SNX9: variants seen among roughly 807,000 people sequenced by gnomAD.
SNX9 encodes the protein sorting nexin-9.
A neutral mutation model predicts 89.4 loss-of-function variants in SNX9; 44 were observed. The ratio of observed to expected loss-of-function variants is 0.49; its 90% CI spans 0.39 to 0.63. SNX9 has a LOEUF of 0.63. Ranked by LOEUF, SNX9 falls within the 30% of genes least tolerant of loss-of-function variation. The pLI, the probability that SNX9 is intolerant of heterozygous loss-of-function variation, is 0.00. For missense variants in SNX9, 578 were observed against 736.1 expected (o/e 0.79, Z 2.49); for synonymous variants, 236 against 247.8 (o/e 0.95, Z 0.45).
At chr6:157,829,108 G>A (rs540337198) in intron 1 of SNX9, 13 of 152,122 alleles carry the variant, frequency 8.5e-5, no homozygotes, top group Admixed American at 7.2e-4. Flanking sequence ...AGTGTATACA[G>A]GTACAACACA....
At chr6:157,826,256 T>G (rs1197268790) in intron 1 of SNX9, among the ~76,000 whole-genome samples, 1 of 152,068 alleles carries the variant, frequency 6.6e-6, no homozygotes, top group Non-Finnish European at 1.5e-5. Context: ...CCTAGCACTT[T>G]GGGAGGCCGA....
At chr6:157,938,835 A>G in intron 16 of SNX9, 88 bp downstream of exon 16, 1 of 924,766 alleles carries the variant, frequency 1.1e-6, no homozygotes, top group Non-Finnish European at 1.7e-6. Flanking sequence ...TCCAGATGTG[A>G]GCAGCAGTTA....
chr6:157,940,984 C>T lies in SNX9; in HGVS notation c.1740+10C>T. 6.2e-7 allele frequency: 1 copy of T among 1,611,950 alleles called. No individual in the cohort carries two copies. Among genetic ancestry groups the T allele is most frequent in the South Asian group, 1.1e-5 (1 of 91,024 alleles). ...GCAATTTTACGAAACGGTGAGTGGG[C>T]GTCCACGTGCCTTTCGCATGTGCTT... is the stretch of plus-strand genomic sequence containing the variant. On this transcript the variant is annotated intron_variant, in intron 17 of 17. Coordinates refer to ENST00000392185, the MANE Select transcript of SNX9 (RefSeq NM_016224.5).
chr6:157,931,578 A>G (rs958770285), intron 12 of SNX9, among the ~76,000 whole-genome samples: 1 of 152,196 alleles, frequency 6.6e-6, no homozygotes, highest in Non-Finnish European at 1.5e-5. Flanking sequence ...ATTTATTGAA[A>G]TCATCTCTTC....
intron 16 of SNX9, among the ~76,000 whole-genome samples, chr6:157,939,967 G>T (rs114124491): frequency 6.6e-6 from 1 of 152,086 alleles, no homozygotes; most frequent in African/African-American, 2.4e-5. Context: ...GGGGGCAGGG[G>T]CAGGGGGGAC....
In SNX9 at chr6:157,828,746, A is replaced by T. The variant is rs546659984; in HGVS notation, c.12+5300A>T. On this transcript the variant is annotated intron_variant, in intron 1 of 17. Transcript: ENST00000392185. ...CTCCTCAGCCCCGCAAAGTATTGGG[A>T]TTACAGGTTTGAGACACTACGCCTG... is the stretch of plus-strand genomic sequence containing the variant. 3.9e-5 allele frequency among the ~76,000 whole-genome samples: 6 copies of T among 152,236 alleles called. No individual in the cohort carries two copies. The South Asian group carries it at 8.3e-4, about 21-fold the overall frequency.
At chr6:157,850,333 ACTT>A (rs1488089399) in intron 1 of SNX9, among the ~76,000 whole-genome samples, 2 of 152,052 alleles carry the variant, frequency 1.3e-5, no homozygotes, top group East Asian at 1.9e-4. Flanking sequence ...CATGTGGAAA[ACTT>A]CTCTGAAATT....
chr6:157,890,085 C>T, intron 4 of SNX9, among the ~76,000 whole-genome samples: 1 of 152,170 alleles, frequency 6.6e-6, no homozygotes, highest in Middle Eastern at 3.2e-3. Context: ...AACCACTATC[C>T]CCATGTGGTA....
At chr6:157,916,016 C>A (rs960900036) in intron 9 of SNX9, among the ~76,000 whole-genome samples, 2 of 150,258 alleles carry the variant, frequency 1.3e-5, no homozygotes, top group Non-Finnish European at 3.0e-5. Context: ...GGTATGGATT[C>A]TTTGGTTTTT....
chr6:157,858,499 A>G (rs1452022549), intron 1 of SNX9, among the ~76,000 whole-genome samples: 1 of 152,024 alleles, frequency 6.6e-6, no homozygotes, highest in African/African-American at 2.4e-5. Context: ...TGGGATTACA[A>G]GTGTGAGCCA....
intron 16 of SNX9, among the ~76,000 whole-genome samples, chr6:157,940,437 T>G (rs1784014514): frequency 6.6e-6 from 1 of 152,242 alleles, no homozygotes; most frequent in African/African-American, 2.4e-5. Flanking sequence ...TTGTTTTGTT[T>G]GAGACAGTCT....
intron 1 of SNX9, among the ~76,000 whole-genome samples, chr6:157,862,104 T>C (rs1782143772): frequency 6.6e-6 from 1 of 152,248 alleles, no homozygotes. Flanking sequence ...TGGAATTTTC[T>C]ATTTAATATT....
At chr6:157,837,000 G>T (rs2115109998) in intron 1 of SNX9, among the ~76,000 whole-genome samples, 1 of 152,298 alleles carries the variant, frequency 6.6e-6, no homozygotes. Context: ...AAAGAACTTG[G>T]GTTCTGTCCT....
chr6:157,895,243 C>A (rs1782955328), intron 4 of SNX9, among the ~76,000 whole-genome samples: 1 of 152,184 alleles, frequency 6.6e-6, no homozygotes, highest in African/African-American at 2.4e-5. Context: ...GGCTTTAAGG[C>A]CTGCAGTTGC....
At chr6:157,837,492 G>A (rs1781609455) in intron 1 of SNX9, among the ~76,000 whole-genome samples, 2 of 152,150 alleles carry the variant, frequency 1.3e-5, no homozygotes, top group Non-Finnish European at 2.9e-5. Flanking sequence ...ATGCCTTTGT[G>A]TAAATCCAGT....
Position 157,944,214 on chromosome 6 carries a change from A to G in SNX9, c.*1376A>G, listed in dbSNP as rs1160261997. ...GCTGCTTTCATTTTTCTGACCTAAT[A>G]ATTACGGGAAATGGAAAGTCTGGGC... On this transcript the variant is annotated 3_prime_UTR_variant, in exon 18 of 18. Transcript: ENST00000392185. The G allele has an allele frequency of 6.6e-6, 1 of 152,494 alleles. No individual in the cohort carries two copies. The highest frequency in any genetic ancestry group is 1.9e-4 in the East Asian group (1 of 5,198). The allele number at this position is 152,494 out of a possible 1,614,324, so 9.4% of individuals were successfully genotyped here. A position where few individuals can be genotyped will look rare whatever the true frequency, so the allele number is the denominator to read the frequency against.
Position 157,824,563 on chromosome 6 carries a change from A to C in SNX9, c.12+1117A>C, listed in dbSNP as rs3805756. Among the ~76,000 whole-genome samples, 24 of 152,250 alleles carry C rather than the reference A, an allele frequency of 1.6e-4. No individual in the cohort carries two copies. The East Asian group carries it at 3.1e-3, about 20-fold the overall frequency. On this transcript the variant is annotated intron_variant, in intron 1 of 17. Coordinates refer to ENST00000392185, the MANE Select transcript of SNX9 (RefSeq NM_016224.5). ...CTTTTTTTGTGGAGTGTTAAGGTAG[A>C]AAATGGTAAGAAATGTGAAATCTCT...
intron 1 of SNX9, among the ~76,000 whole-genome samples, chr6:157,839,953 C>T (rs1237002273): frequency 1.3e-5 from 2 of 152,176 alleles, no homozygotes; most frequent in African/African-American, 4.8e-5. Context: ...TTCTCCTATC[C>T]TCTCCGGTTG....
chr6:157,868,703 G>A (rs1782323293), intron 2 of SNX9, among the ~76,000 whole-genome samples: 1 of 152,224 alleles, frequency 6.6e-6, no homozygotes, highest in Non-Finnish European at 1.5e-5. Context: ...AAAATTATGA[G>A]ATGAACATCA....
Sources: gnomAD v4.1 joint callset for allele counts (sites outside exome capture counted in the v4.1 genomes callset) on GRCh38, gnomAD v4.1.1 for gene constraint, MANE v1.5 for transcripts, NCBI Gene and HGNC (gene_info 2026-07-23, HGNC 2026-07-21) for gene names.